The following QRICH2 variants were observed in gnomAD, a reference collection of about 807,000 sequenced individuals.
QRICH2 encodes the protein glutamine-rich protein 2.
In QRICH2, 119 loss-of-function variants were observed where a neutral mutation model predicts 168.3. The ratio of observed to expected loss-of-function variants is 0.71; its 90% CI spans 0.61 to 0.82. QRICH2 has a LOEUF of 0.82. QRICH2 is among the 40% of genes least tolerant of loss of function. QRICH2 has a pLI of 0.00. For missense variants in QRICH2, 2,241 were observed against 2,491.6 expected (o/e 0.90, Z 2.14); for synonymous variants, 894 against 951.2 (o/e 0.94, Z 1.11).
rs755404182 is a variant in QRICH2, at chr17:76,279,527, G to T, written c.4749-99C>A. On this transcript the variant is annotated intron_variant, in intron 12 of 18. Transcript: ENST00000680821. ...GCCCCTGGAAGCTCAGCCCACCAGG[G>T]TGCAGATCATGTCCCTGCTCCCCAG... 2.4e-4 allele frequency: 211 copies of T among 888,810 alleles called. 1 individual carries two copies. The highest frequency in any genetic ancestry group is 3.6e-4 in the Non-Finnish European group (202 of 559,570). 55.1% of individuals were successfully genotyped at this position (888,810 alleles called of 1,614,324 possible).
intron 3 of QRICH2, 22 bp downstream of exon 3, chr17:76,304,393 G>C: frequency 6.4e-7 from 1 of 1,556,978 alleles, no homozygotes; most frequent in South Asian, 1.1e-5. Context: ...CAAGACCACG[G>C]CCCAGGCCCC....
Position 76,280,237 on chromosome 17 carries a change from C to T in QRICH2, c.4626+50G>A, listed in dbSNP as rs373410540. ...CAGGAGAAGGTGGTGCTGTCCCGAT[C>T]CTGGGGGCAAGGCTGTGGGATGGAG... On this transcript the variant is annotated intron_variant, in intron 11 of 18. Coordinates refer to ENST00000680821, the MANE Select transcript of QRICH2 (RefSeq NM_001388453.1). The surrounding 1 kb of genome is among the most constrained non-coding windows in gnomAD (Gnocchi z 7.4). The T allele has an allele frequency of 6.6e-4, 1,061 of 1,610,106 alleles. 2 individuals carry two copies. Among genetic ancestry groups the T allele is most frequent in the Middle Eastern group, 3.6e-3 (22 of 6,040 alleles).
chr17:76,279,445 G>T lies in QRICH2; in HGVS notation c.4749-17C>A. On this transcript the variant is annotated splice_polypyrimidine_tract_variant and intron_variant, in intron 12 of 18. Transcript: ENST00000680821. ...AGGAGCTGCCTGTTAGGAATGGGAC[G>T]CACACGCAGGGTGAGTGCTCTGCCC... 1 of 1,599,746 alleles carries T rather than the reference G, an allele frequency of 6.3e-7. No homozygotes were observed.
chr17:76,279,751 T>C (rs1568106306), intron 12 of QRICH2, among the ~76,000 whole-genome samples: 1 of 152,136 alleles, frequency 6.6e-6, no homozygotes, highest in Non-Finnish European at 1.5e-5. Context: ...CTGTCTCAGC[T>C]CTGGGTACTG....
upstream of QRICH2, among the ~76,000 whole-genome samples, chr17:76,308,937 G>A (rs569388820): frequency 6.6e-6 from 1 of 151,238 alleles, no homozygotes; most frequent in African/African-American, 2.4e-5. Context: ...AGCAGAGACG[G>A]GGTTTCACTA....
At chr17:76,303,208 C>T (rs149075795) in intron 3 of QRICH2, among the ~76,000 whole-genome samples, 18,440 of 151,976 alleles carry the variant, frequency 0.12, 2,567 homozygotes, top group African/African-American at 0.35. Context: ...TTTCTGATGC[C>T]GCTTTCCTCT....
chr17:76,274,690 G>A (rs2070641078), intron 18 of QRICH2, among the ~76,000 whole-genome samples: 1 of 152,148 alleles, frequency 6.6e-6, no homozygotes, highest in South Asian at 2.1e-4. Context: ...CAGAGTTCTG[G>A]GAGCCAGGGT....
intron 3 of QRICH2, among the ~76,000 whole-genome samples, chr17:76,294,268 T>C (rs1234275448): frequency 6.6e-6 from 1 of 151,690 alleles, no homozygotes; most frequent in Non-Finnish European, 1.5e-5. Context: ...CTACTAAAAA[T>C]ACAAAATTAG....
At position 76,280,184 on chromosome 17, in the gene QRICH2, C is replaced by T; in HGVS notation, c.4627-30G>A. The T allele has an allele frequency of 6.2e-7, 1 of 1,610,086 alleles. No homozygotes were observed. Among genetic ancestry groups the T allele is most frequent in the Non-Finnish European group, 8.5e-7 (1 of 1,177,664 alleles). On this transcript the variant is annotated intron_variant, in intron 11 of 18. Transcript: ENST00000680821. The surrounding 1 kb of genome is among the most constrained non-coding windows in gnomAD (Gnocchi z 7.4). ...GGCGGGGAAAGAGGGGCCAGGGGAC[C>T]TCTAAGGAAGCAGGTAGGGGGCTGA...
intron 3 of QRICH2, among the ~76,000 whole-genome samples, chr17:76,294,951 G>C (rs184997275): frequency 4.6e-4 from 70 of 151,986 alleles, no homozygotes; most frequent in African/African-American, 1.5e-3. Context: ...TAAAGTCTGG[G>C]TCTGGCACGG....
rs568800148 is a variant in QRICH2 at position 76,281,367 on chromosome 17, G to A, written c.4264-414C>T. Among the ~76,000 whole-genome samples, 97 of 152,140 alleles carry A rather than the reference G, an allele frequency of 6.4e-4. No individual in the cohort carries two copies. Among genetic ancestry groups the A allele is most frequent in the African/African-American group, 2.3e-3 (96 of 41,502 alleles). ...AGGCTCAGGAGTGATGTGCTGTCCC[G>A]GGGCACTTGAGAGCTGGGCTGTGGG... On this transcript the variant is annotated intron_variant, in intron 8 of 18. Coordinates refer to ENST00000680821, the MANE Select transcript of QRICH2 (RefSeq NM_001388453.1). The surrounding 1 kb of genome is among the most constrained non-coding windows in gnomAD (Gnocchi z 4.4).
chr17:76,308,442 T>G (rs956427271), upstream of QRICH2: 3 of 985,376 alleles, frequency 3.0e-6, 1 homozygote, highest in African/African-American at 5.2e-5. Flanking sequence ...ATCCATCCCC[T>G]TAACCTAGAA....
intron 17 of QRICH2, among the ~76,000 whole-genome samples, chr17:76,276,433 C>T (rs781288179): frequency 1.2e-4 from 19 of 152,296 alleles, no homozygotes; most frequent in African/African-American, 3.6e-4. Flanking sequence ...GCAGTGCAGC[C>T]GGGATGGAGG....
In QRICH2 at chr17:76,280,615, CCCTGGGA is replaced by C. The variant is rs777609710; in HGVS notation, c.4461+32_4461+38del. The C allele has an allele frequency of 1.4e-4, 233 of 1,612,236 alleles. No homozygotes were observed. The highest frequency in any genetic ancestry group is 1.8e-4 in the Non-Finnish European group (215 of 1,178,476). On this transcript the variant is annotated intron_variant, in intron 10 of 18. Transcript: ENST00000680821. The surrounding 1 kb of genome is among the most constrained non-coding windows in gnomAD (Gnocchi z 7.4). ...TCTCAAAGAACAGTCAGCGAGACCGCCCTGGGACACAGCGTGGCTCCTGGGGCCTGGC... is the reference window on the plus strand; with the variant it reads ...TCTCAAAGAACAGTCAGCGAGACCGCCACAGCGTGGCTCCTGGGGCCTGGC...
intron 3 of QRICH2, among the ~76,000 whole-genome samples, chr17:76,297,879 T>G (rs2070825612): frequency 7.3e-6 from 1 of 137,234 alleles, no homozygotes; most frequent in Non-Finnish European, 1.6e-5. Context: ...TGTTTTTTTT[T>G]TTTTTTTTTT....
chr17:76,298,510 G>C (rs925772389), intron 3 of QRICH2, among the ~76,000 whole-genome samples: 1 of 151,964 alleles, frequency 6.6e-6, no homozygotes, highest in East Asian at 1.9e-4. Flanking sequence ...TTGTAGAGAC[G>C]GGGTCTTAAT....
At chr17:76,299,957 A>C (rs2070869890) in intron 3 of QRICH2, among the ~76,000 whole-genome samples, 1 of 151,634 alleles carries the variant, frequency 6.6e-6, no homozygotes, top group South Asian at 2.1e-4. Flanking sequence ...CAGCCTCCCG[A>C]ATAGCTGGGA....
Position 76,278,003 on chromosome 17 carries a change from G to C in QRICH2, c.5103C>G (p.Ser1701=). ...CTCTCCTGTACCGTTTGTAGCAGGG[G>C]GAGCCCAGGCACTGGGCGTGCAGCA... ...RELLHAQCLG[S]PCYKRVTDMA... is the part of the protein sequence containing the mutation. Residue 1701 remains serine (S), a synonymous_variant, in exon 15 of 19, where the codon TCC becomes TCG. Transcript: ENST00000680821. The C allele has an allele frequency of 6.2e-7, 1 of 1,612,230 alleles. No homozygotes were observed. Among genetic ancestry groups the C allele is most frequent in the Non-Finnish European group, 8.5e-7 (1 of 1,180,026 alleles).
rs2071004110 is a variant in QRICH2 at position 76,307,252 on chromosome 17, T to C, written c.534+213A>G. Among the ~76,000 whole-genome samples the C allele has an allele frequency of 2.0e-5, 3 of 151,972 alleles. No individual in the cohort carries two copies. Among genetic ancestry groups the C allele is most frequent in the South Asian group, 4.1e-4 (2 of 4,822 alleles). Reference sequence around the variant, plus strand: ...CCTAGGCCTTTTGGTGGCGTTCTTTTAGGATTTTCACGTCTTGCAGCCCCG... The same window carrying C: ...CCTAGGCCTTTTGGTGGCGTTCTTTCAGGATTTTCACGTCTTGCAGCCCCG... On this transcript the variant is annotated intron_variant, in intron 1 of 18. Transcript: ENST00000680821. The surrounding 1 kb of genome is among the most constrained non-coding windows in gnomAD (Gnocchi z 5.3).
Sources: allele counts gnomAD v4.1 joint callset (sites outside exome capture counted in the v4.1 genomes callset), GRCh38; gene constraint gnomAD v4.1.1; non-coding constraint Gnocchi (gnomAD v3.1); transcripts MANE v1.5; gene names NCBI Gene and HGNC (gene_info 2026-07-23, HGNC 2026-07-21).